The following LOC128462377 variants were observed in gnomAD, a reference collection of about 807,000 sequenced individuals.
At chr16:89,328,154 T>G in the LOC128462377 span, among the ~76,000 whole-genome samples, 1 of 26,500 alleles carries the variant, frequency 3.8e-5, no homozygotes, top group African/African-American at 1.2e-4. Flanking sequence ...CGCAATGAGA[T>G]ATTACTGCAC....
At chr16:89,415,318 G>T in the LOC128462377 span, among the ~76,000 whole-genome samples, 3 of 137,070 alleles carry the variant, frequency 2.2e-5, no homozygotes, top group Admixed American at 7.9e-5. Flanking sequence ...AGGCTGGAGC[G>T]CAGTGGTGCG....
At chr16:89,374,298 A>C in the LOC128462377 span, among the ~76,000 whole-genome samples, 1 of 152,148 alleles carries the variant, frequency 6.6e-6, no homozygotes, top group South Asian at 2.1e-4. Flanking sequence ...ATTACTAGAG[A>C]GCCGAGGTCA....
the LOC128462377 span, among the ~76,000 whole-genome samples, chr16:89,370,093 T>C: frequency 6.6e-6 from 1 of 152,222 alleles, no homozygotes; most frequent in East Asian, 1.9e-4. Flanking sequence ...ATCTCAGGCA[T>C]GGCAGGAAGA....
the LOC128462377 span, among the ~76,000 whole-genome samples, chr16:89,385,520 G>C: frequency 6.6e-6 from 1 of 152,134 alleles, no homozygotes; most frequent in Non-Finnish European, 1.5e-5. Flanking sequence ...CCGAGACCCT[G>C]TGGGTATCCC....
At chr16:89,381,168 A>T in the LOC128462377 span, among the ~76,000 whole-genome samples, 5 of 152,140 alleles carry the variant, frequency 3.3e-5, no homozygotes, top group South Asian at 8.3e-4. Context: ...ACTGAAAATT[A>T]AAAAATAAAA....
the LOC128462377 span, among the ~76,000 whole-genome samples, chr16:89,327,081 T>TGGAAATGGAGAGGTG: frequency 7.0e-6 from 1 of 142,192 alleles, no homozygotes; most frequent in South Asian, 2.3e-4. Context: ...ATGCAGAGGT[T>TGGAAATGGAGAGGTG]GGAAATGCAG....
the LOC128462377 span, among the ~76,000 whole-genome samples, chr16:89,384,514 G>T: frequency 6.7e-6 from 1 of 149,238 alleles, no homozygotes; most frequent in Non-Finnish European, 1.5e-5. Flanking sequence ...AGGATGGGAC[G>T]ACATGGAACA....
chr16:89,341,962 C>T, the LOC128462377 span, among the ~76,000 whole-genome samples: 7 of 149,962 alleles, frequency 4.7e-5, no homozygotes, highest in East Asian at 1.4e-3. Flanking sequence ...GCAGCCACGG[C>T]CCATGGCAGG....
the LOC128462377 span, among the ~76,000 whole-genome samples, chr16:89,412,729 A>C: frequency 6.6e-6 from 1 of 152,302 alleles, no homozygotes; most frequent in Non-Finnish European, 1.5e-5. Flanking sequence ...CCCTTAAGCC[A>C]GCTGTAAAAA....
chr16:89,393,530 G>A, the LOC128462377 span, among the ~76,000 whole-genome samples: 3 of 147,478 alleles, frequency 2.0e-5, no homozygotes, highest in South Asian at 2.1e-4. Flanking sequence ...AAATAGAGAC[G>A]GGGTTTCACC....
chr16:89,360,720 C>G, the LOC128462377 span: 1 of 152,214 alleles, frequency 6.6e-6, no homozygotes, highest in African/African-American at 2.4e-5. Context: ...TTTCAAAACT[C>G]CAGGTGTGTG....
At chr16:89,367,581 C>T in the LOC128462377 span, among the ~76,000 whole-genome samples, 1 of 152,216 alleles carries the variant, frequency 6.6e-6, no homozygotes, top group Non-Finnish European at 1.5e-5. Context: ...CCTGACCCGT[C>T]CCTCCTCAGC....
chr16:89,365,964 G>A, the LOC128462377 span, among the ~76,000 whole-genome samples: 2 of 151,884 alleles, frequency 1.3e-5, no homozygotes, highest in African/African-American at 4.8e-5. Context: ...CGCAGTATTT[G>A]GTTTTCTGTC....
chr16:89,381,574 C>T, the LOC128462377 span, among the ~76,000 whole-genome samples: 4 of 152,142 alleles, frequency 2.6e-5, no homozygotes, highest in African/African-American at 9.7e-5. Context: ...AAACAAGTAA[C>T]TTACATGCGA....
chr16:89,322,289 A>G, the LOC128462377 span, among the ~76,000 whole-genome samples: 2 of 152,246 alleles, frequency 1.3e-5, no homozygotes, highest in African/African-American at 4.8e-5. Context: ...CCAGAGAGAA[A>G]GAGAACACTT....
the LOC128462377 span, among the ~76,000 whole-genome samples, chr16:89,373,723 C>T: frequency 6.6e-6 from 1 of 152,240 alleles, no homozygotes. Context: ...CACAACCCCA[C>T]GCGGGAGGCA....
chr16:89,403,563 T>G, the LOC128462377 span: 1 of 151,258 alleles, frequency 6.6e-6, no homozygotes, highest in Non-Finnish European at 1.5e-5. Context: ...AAAAAAAAAG[T>G]ACACCACCAA....
the LOC128462377 span, among the ~76,000 whole-genome samples, chr16:89,383,634 C>T: frequency 2.0e-5 from 3 of 152,132 alleles, no homozygotes; most frequent in Non-Finnish European, 2.9e-5. Context: ...GCCCTCGGAC[C>T]AGCAACGCAG....
the LOC128462377 span, among the ~76,000 whole-genome samples, chr16:89,389,470 T>C: frequency 1.3e-5 from 2 of 151,672 alleles, no homozygotes; most frequent in African/African-American, 4.8e-5. Flanking sequence ...AAGGCAAAAT[T>C]AGTAGATGGA....
Sources: gnomAD v4.1 joint callset for allele counts (sites outside exome capture counted in the v4.1 genomes callset) on GRCh38, gnomAD v4.1.1 for gene constraint, MANE v1.5 for transcripts.